ANKRD1: variants seen among roughly 807,000 people sequenced by gnomAD.
ANKRD1 encodes ankyrin repeat domain-containing protein 1.
A neutral mutation model predicts 40.1 loss-of-function variants in ANKRD1; 32 were observed. The observed-to-expected ratio is 0.80, with a 90% CI of 0.60 to 1.07. The LOEUF (loss-of-function observed/expected upper bound fraction) is 1.07, where lower values mean the gene tolerates loss of function less well. Among genes scored for constraint, ANKRD1 ranks in the 50% least tolerant of loss-of-function variants. The pLI is 0.00. For missense variants in ANKRD1, 359 were observed against 386.0 expected (o/e 0.93, Z 0.59); for synonymous variants, 149 against 141.2 (o/e 1.06, Z -0.39).
chr10:90,917,675 G>A lies in ANKRD1; in HGVS notation c.552+57C>T, dbSNP rs1292952548. On this transcript the variant is annotated intron_variant, in intron 5 of 8. Transcript: ENST00000371697. The stretch of plus-strand genomic sequence containing the variant: ...CTCGGTTTTGCATTGGAGGTTTTCC[G>A]GAGCTTCATATAGTCTACTTCTTTT... The A allele has an allele frequency of 3.3e-5, 49 of 1,486,926 alleles. No homozygotes were observed. In the East Asian group the frequency reaches 5.2e-4, roughly 16 times the overall value. 92.1% of individuals were successfully genotyped at this position (1,486,926 alleles called of 1,614,324 possible). A position where few individuals can be genotyped will look rare whatever the true frequency, so the allele number is the denominator to read the frequency against.
intron 8 of ANKRD1, among the ~76,000 whole-genome samples, chr10:90,914,518 TTAGA>T (rs1189806844): frequency 7.9e-5 from 12 of 152,190 alleles, no homozygotes; most frequent in Non-Finnish European, 1.3e-4. Context: ...TAAAAAAATA[TTAGA>T]TAGGATCAAT....
At chr10:90,920,478 G>A in intron 1 of ANKRD1, 130 bp from the exon 2 acceptor site, 2 of 942,736 alleles carry the variant, frequency 2.1e-6, no homozygotes, top group South Asian at 2.6e-5. Flanking sequence ...TGCACTCTCA[G>A]ATCTCAAGCT....
intron 1 of ANKRD1, 89 bp from the exon 2 acceptor site, chr10:90,920,437 T>C: frequency 6.7e-7 from 1 of 1,497,974 alleles, no homozygotes; most frequent in Non-Finnish European, 9.2e-7. Context: ...CTCTTGGTCC[T>C]TCTCCCCTGG....
intron 5 of ANKRD1, among the ~76,000 whole-genome samples, chr10:90,917,131 G>A (rs981105765): frequency 1.3e-5 from 2 of 151,872 alleles, no homozygotes; most frequent in African/African-American, 4.8e-5. Flanking sequence ...TCCCGTTGCC[G>A]CTTTGCTATA....
At position 90,920,231 on chromosome 10, in the gene ANKRD1, G is replaced by T; in HGVS notation, c.145C>A (p.Leu49Ile). Residue 49 changes from leucine (L) to isoleucine (I), a missense_variant, in exon 2 of 9, where the codon CTA (leucine) becomes ATA (isoleucine). By Grantham distance (5) the Leu-to-Ile change is conservative. Coordinates refer to ENST00000371697, the MANE Select transcript of ANKRD1 (RefSeq NM_014391.3). ...LEKQEDLKTL[L>I]AHPVTLGEQQ... ...TCCCCCAGGGTCACAGGGTGGGCTAGAAGTGTCTTCAGATCCTCCTGCTTC... is the reference window on the plus strand; with the variant it reads ...TCCCCCAGGGTCACAGGGTGGGCTATAAGTGTCTTCAGATCCTCCTGCTTC... 6.2e-7 allele frequency: 1 copy of T among 1,614,110 alleles called. No individual in the cohort carries two copies. Among genetic ancestry groups the T allele is most frequent in the Non-Finnish European group, 8.5e-7 (1 of 1,180,018 alleles).
intron 8 of ANKRD1, 78 bp downstream of exon 8, chr10:90,915,465 G>T: frequency 1.6e-6 from 2 of 1,244,762 alleles, no homozygotes. Context: ...GCCATTGTGG[G>T]AGTCGTTTCA....
intron 5 of ANKRD1, among the ~76,000 whole-genome samples, chr10:90,917,443 G>C (rs1469005083): frequency 6.6e-6 from 1 of 152,208 alleles, no homozygotes; most frequent in Non-Finnish European, 1.5e-5. Context: ...TGAAAGGCAA[G>C]TGTCGAAAAT....
chr10:90,920,123 C>A, intron 2 of ANKRD1, 46 bp downstream of exon 2: 1 of 1,610,008 alleles, frequency 6.2e-7, no homozygotes, highest in South Asian at 1.1e-5. Context: ...CCATTCCCTA[C>A]CCCAGCCCCA....
chr10:90,917,448 G>A (rs1043878736), intron 5 of ANKRD1, among the ~76,000 whole-genome samples: 2 of 152,176 alleles, frequency 1.3e-5, no homozygotes, highest in Non-Finnish European at 2.9e-5. Flanking sequence ...GGCAAGTGTC[G>A]AAAATGAATG....
Position 90,912,557 on chromosome 10 carries a change from C to A in ANKRD1, c.*309G>T. On this transcript the variant is annotated 3_prime_UTR_variant, in exon 9 of 9. Coordinates refer to ENST00000371697, the MANE Select transcript of ANKRD1 (RefSeq NM_014391.3). ...CTCTTTCACCTGGTTTAAGAACTAC[C>A]TATGGGTGGGAAGGCTCTGAAAGTG... is the stretch of plus-strand genomic sequence containing the variant. The A allele has an allele frequency of 2.8e-6, 1 of 353,980 alleles. No homozygotes were observed. Among genetic ancestry groups the A allele is most frequent in the Non-Finnish European group, 5.5e-6 (1 of 183,050 alleles). The allele number at this position is 353,980 out of a possible 1,614,324, so 21.9% of individuals were successfully genotyped here.
Position 90,921,032 on chromosome 10 carries a change from G to A in ANKRD1, c.-5C>T. ...CTCTACTTTCAGTACCATCATGTTG[G>A]CTGAAGGAGTCTTGTATGTTTTTCT... is the stretch of plus-strand genomic sequence containing the variant. On this transcript the variant is annotated 5_prime_UTR_variant, in exon 1 of 9. Coordinates refer to ENST00000371697, the MANE Select transcript of ANKRD1 (RefSeq NM_014391.3). 1 of 1,613,864 alleles carries A rather than the reference G, an allele frequency of 6.2e-7. No homozygotes were observed. Among genetic ancestry groups the A allele is most frequent in the Non-Finnish European group, 8.5e-7 (1 of 1,179,830 alleles).
rs1403366948 is a variant in ANKRD1, at chr10:90,919,254, T to G, written c.222A>C (p.Lys74Asn). 2 of 1,605,382 alleles carry G rather than the reference T, an allele frequency of 1.2e-6. No homozygotes were observed. The highest frequency in any genetic ancestry group is 4.5e-5 in the East Asian group (2 of 44,718). Residue 74 changes from lysine to asparagine, a missense_variant, in exon 3 of 9, where the codon AAA (lysine) becomes AAC (asparagine). Physicochemically the swap from Lys to Asn is moderately conservative, Grantham distance 94 (BLOSUM62 0). Coordinates refer to ENST00000371697, the MANE Select transcript of ANKRD1 (RefSeq NM_014391.3). ...TTTCAAGCTTTGATCTTTGTTCTAG[T>G]TTTTTCTTTTTGAGCTAAAAAAGAA... ...KQREAELKKK[K>N]LEQRSKLENL... is the part of the protein sequence containing the mutation.
At chr10:90,918,398 T>C (rs909286588) in intron 4 of ANKRD1, among the ~76,000 whole-genome samples, 2 of 152,130 alleles carry the variant, frequency 1.3e-5, no homozygotes, top group African/African-American at 2.4e-5. Flanking sequence ...CAATGCCCCA[T>C]GTTTACAGAT....
At chr10:90,916,628 C>G (rs1198667839) in intron 5 of ANKRD1, among the ~76,000 whole-genome samples, 1 of 152,126 alleles carries the variant, frequency 6.6e-6, no homozygotes, top group East Asian at 1.9e-4. Context: ...ATAAGAAAAA[C>G]CAGGTTCCAA....
At chr10:90,917,325 TA>T (rs1847383427) in intron 5 of ANKRD1, among the ~76,000 whole-genome samples, 1 of 152,226 alleles carries the variant, frequency 6.6e-6, no homozygotes, top group Non-Finnish European at 1.5e-5. Flanking sequence ...ATCTCATTGG[TA>T]GCAATTGGCA....
chr10:90,913,698 G>T (rs1847340956), intron 8 of ANKRD1, among the ~76,000 whole-genome samples: 1 of 152,164 alleles, frequency 6.6e-6, no homozygotes, highest in Non-Finnish European at 1.5e-5. Context: ...TCATTGAGAA[G>T]TTTCTTTTTA....
In ANKRD1 at chr10:90,921,046, G is replaced by T; in HGVS notation, c.-19C>A. On this transcript the variant is annotated 5_prime_UTR_variant, in exon 1 of 9. Coordinates refer to ENST00000371697, the MANE Select transcript of ANKRD1 (RefSeq NM_014391.3). ...CCATCATGTTGGCTGAAGGAGTCTT[G>T]TATGTTTTTCTGTCGTGGAAGGAAT... 1 of 1,613,730 alleles carries T rather than the reference G, an allele frequency of 6.2e-7. No individual in the cohort carries two copies. The highest frequency in any genetic ancestry group is 8.5e-7 in the Non-Finnish European group (1 of 1,179,672).
At chr10:90,915,509 C>G (rs775558238) in intron 8 of ANKRD1, 34 bp downstream of exon 8, 55 of 1,585,100 alleles carry the variant, frequency 3.5e-5, no homozygotes, top group Non-Finnish European at 4.5e-5. Context: ...AATTGGAAAG[C>G]TTGCAAGCGG....
At position 90,912,800 on chromosome 10, in the gene ANKRD1, T is replaced by C; in HGVS notation, c.*66A>G. Reference sequence around the variant, plus strand: ...GAAACTAGATTTTATGGCTAGTGTCTCTTCTCTTGGGCCATGCCTTCAAAA... The same window carrying C: ...GAAACTAGATTTTATGGCTAGTGTCCCTTCTCTTGGGCCATGCCTTCAAAA... On this transcript the variant is annotated 3_prime_UTR_variant, in exon 9 of 9. Transcript: ENST00000371697. 7.1e-7 allele frequency: 1 copy of C among 1,410,538 alleles called. No individual in the cohort carries two copies. The highest frequency in any genetic ancestry group is 1.2e-5 in the South Asian group (1 of 86,712). 87.4% of individuals were successfully genotyped at this position (1,410,538 alleles called of 1,614,324 possible).
Sources: gnomAD v4.1 joint callset for allele counts (sites outside exome capture counted in the v4.1 genomes callset) on GRCh38, gnomAD v4.1.1 for gene constraint, MANE v1.5 for transcripts, NCBI Gene and HGNC (gene_info 2026-07-23, HGNC 2026-07-21) for gene names.